The following ZNF609 variants were observed in gnomAD, a reference collection of about 807,000 sequenced individuals.
ZNF609 encodes zinc finger protein 609.
ZNF609 carries 11 observed loss-of-function variants against 109.5 expected under a neutral mutation model. The observed-to-expected ratio is 0.10, with a 90% confidence interval of 0.06 to 0.17. The LOEUF (loss-of-function observed/expected upper bound fraction) is 0.17. ZNF609 is among the 10% of genes least tolerant of loss of function. The pLI is 1.00. For synonymous variants in ZNF609, 646 were observed against 662.0 expected (o/e 0.98, Z 0.37); for missense variants, 1,559 against 1,772.4 (o/e 0.88, Z 2.16).
intron 2 of ZNF609, among the ~76,000 whole-genome samples, chr15:64,510,940 T>C: frequency 6.6e-6 from 1 of 152,178 alleles, no homozygotes; most frequent in Middle Eastern, 3.4e-3. Context: ...TTTTTTATTT[T>C]TATATTTATC....
At chr15:64,473,660 C>T (rs930846973) in intron 1 of ZNF609, among the ~76,000 whole-genome samples, 3 of 151,794 alleles carry the variant, frequency 2.0e-5, no homozygotes, top group African/African-American at 7.3e-5. Flanking sequence ...GACTGGAGTG[C>T]AGTGGTGCGA....
At chr15:64,500,623 G>A in intron 2 of ZNF609, 2 of 576,690 alleles carry the variant, frequency 3.5e-6, no homozygotes, top group Middle Eastern at 4.6e-4. Context: ...TGGTGCTGTT[G>A]GGTCTCTGGT....
chr15:64,460,400 C>T (rs1662594189), upstream of ZNF609, among the ~76,000 whole-genome samples: 1 of 152,182 alleles, frequency 6.6e-6, no homozygotes, highest in Admixed American at 6.5e-5. Flanking sequence ...CCAGCATTCC[C>T]TGAGCTAAGA....
At chr15:64,557,126 A>G (rs531538330) in intron 2 of ZNF609, among the ~76,000 whole-genome samples, 1 of 152,052 alleles carries the variant, frequency 6.6e-6, no homozygotes, top group South Asian at 2.1e-4. Flanking sequence ...GTCACATATT[A>G]TTCAGAATGC....
rs1389448753 is a variant in ZNF609, at chr15:64,479,283, G to GGTT, written c.-128+18445_-128+18446insGTT. Reference sequence around the variant, plus strand: ...CAAAACCTATATATTGTACCTGTGTGATTTTTTTTTTTTTTTTTTTTTTTT... The same window carrying GGTT: ...CAAAACCTATATATTGTACCTGTGTGGTTATTTTTTTTTTTTTTTTTTTTTTTT... On this transcript the variant is annotated intron_variant, in intron 1 of 9. Transcript: ENST00000326648. 8.2e-3 allele frequency among the ~76,000 whole-genome samples: 527 copies of GGTT among 64,052 alleles called. 2 individuals carry two copies. The highest frequency in any genetic ancestry group is 0.011 in the Non-Finnish European group (365 of 31,824). 42.0% of individuals were successfully genotyped at this position (64,052 alleles called of 152,430 possible). A position where few individuals can be genotyped will look rare whatever the true frequency, so the allele number is the denominator to read the frequency against.
chr15:64,593,391 C>G, intron 2 of ZNF609: 2 of 790,106 alleles, frequency 2.5e-6, no homozygotes, highest in Non-Finnish European at 4.3e-6. Flanking sequence ...GGAAATTGTA[C>G]TTAAATAAAT....
rs372106387 is a variant in ZNF609 at position 64,480,905 on chromosome 15, T to G, written c.-127-18388T>G. On this transcript the variant is annotated intron_variant, in intron 1 of 9. Transcript: ENST00000326648. ...AATTCTTCATTGAGAGCAAATGTGG[T>G]TTTGACTAAGATAAGCTACTCCCGA... Among the ~76,000 whole-genome samples the G allele has an allele frequency of 3.9e-5, 6 of 152,296 alleles. No homozygotes were observed. The East Asian group carries it at 7.7e-4, about 20-fold the overall frequency.
intron 2 of ZNF609, among the ~76,000 whole-genome samples, chr15:64,582,013 T>C (rs547074942): frequency 1.3e-5 from 2 of 152,190 alleles, no homozygotes; most frequent in African/African-American, 4.8e-5. Context: ...TCTATGTCCA[T>C]ATTAATTATC....
At chr15:64,676,955 A>G (rs937670807) in intron 5 of ZNF609, among the ~76,000 whole-genome samples, 3 of 151,804 alleles carry the variant, frequency 2.0e-5, no homozygotes, top group Non-Finnish European at 4.4e-5. Context: ...GGGTTTCACC[A>G]TGTTAGCCAG....
rs1366550860 is a variant in ZNF609 at position 64,466,151 on chromosome 15, G to A, written c.-128+5313G>A. Among the ~76,000 whole-genome samples, 3 of 151,506 alleles carry A rather than the reference G, an allele frequency of 2.0e-5. No individual in the cohort carries two copies. The East Asian group carries it at 5.8e-4, about 29-fold the overall frequency. On this transcript the variant is annotated intron_variant, in intron 1 of 9. Transcript: ENST00000326648. The stretch of plus-strand genomic sequence containing the variant: ...AAAAAAAAAAAAAAGTTAGCGGGGG[G>A]TATAGCATTTCCTATAACTTGGGAA...
At chr15:64,620,754 C>T (rs1384159665) in intron 2 of ZNF609, among the ~76,000 whole-genome samples, 1 of 152,132 alleles carries the variant, frequency 6.6e-6, no homozygotes, top group Admixed American at 6.5e-5. Flanking sequence ...CAATGATGAT[C>T]TACAAATAGT....
At chr15:64,551,445 C>T (rs1204586347) in intron 2 of ZNF609, among the ~76,000 whole-genome samples, 1 of 152,022 alleles carries the variant, frequency 6.6e-6, no homozygotes, top group African/African-American at 2.4e-5. Flanking sequence ...AACCTGAGGT[C>T]AGGAGTTCGA....
At chr15:64,634,076 A>C (rs370087283) in intron 3 of ZNF609, among the ~76,000 whole-genome samples, 6 of 152,106 alleles carry the variant, frequency 3.9e-5, no homozygotes, top group African/African-American at 1.4e-4. Context: ...ATGCATATAT[A>C]TATGTGTGTG....
chr15:64,545,700 A>T (rs1894347845), intron 2 of ZNF609, among the ~76,000 whole-genome samples: 1 of 152,108 alleles, frequency 6.6e-6, no homozygotes, highest in African/African-American at 2.4e-5. Context: ...GCAATCAACC[A>T]CTAATCTTAC....
rs1700155262 is a variant in ZNF609, at chr15:64,534,336, G to A, written c.747+34170G>A. 2.1e-5 allele frequency among the ~76,000 whole-genome samples: 3 copies of A among 144,472 alleles called. No individual in the cohort carries two copies. In the South Asian group the frequency reaches 6.6e-4, roughly 32 times the overall value. 94.8% of individuals were successfully genotyped at this position (144,472 alleles called of 152,430 possible). On this transcript the variant is annotated intron_variant, in intron 2 of 9. Transcript: ENST00000326648. ...TTATTTATTTTTTTTTTTTAAGATA[G>A]AGTCTCGCTCTGTCGCCCAGGCTGG...
chr15:64,473,449 G>A (rs986483932), intron 1 of ZNF609, among the ~76,000 whole-genome samples: 1 of 151,496 alleles, frequency 6.6e-6, no homozygotes, highest in African/African-American at 2.4e-5. Context: ...TGCCTACCTC[G>A]GCCTCCCAAA....
At chr15:64,669,983 T>A (rs902049678) in intron 3 of ZNF609, among the ~76,000 whole-genome samples, 55 of 152,196 alleles carry the variant, frequency 3.6e-4, no homozygotes, top group Middle Eastern at 3.2e-3. Context: ...AAAATTTTTT[T>A]AATTATCCAG....
chr15:64,528,979 G>A lies in ZNF609; in HGVS notation c.747+28813G>A. The A allele has an allele frequency of 1.3e-5, 19 of 1,499,170 alleles. No individual in the cohort carries two copies. The South Asian group carries it at 2.0e-4, about 16-fold the overall frequency. The allele number at this position is 1,499,170 out of a possible 1,614,324, so 92.9% of individuals were successfully genotyped here. On this transcript the variant is annotated intron_variant, in intron 2 of 9. Coordinates refer to ENST00000326648, the MANE Select transcript of ZNF609 (RefSeq NM_015042.2). ...CACATTGGCAGTGGGGACATGGAAG[G>A]CCATGCCAGTGAGCTTCCCGTTCAG...
intron 4 of ZNF609, among the ~76,000 whole-genome samples, chr15:64,673,195 GC>G (rs887117701): frequency 6.6e-6 from 1 of 152,190 alleles, no homozygotes; most frequent in Non-Finnish European, 1.5e-5. Context: ...GACAAAATTT[GC>G]CTCTTTTCTG....
Sources: allele counts gnomAD v4.1 joint callset (sites outside exome capture counted in the v4.1 genomes callset), GRCh38; gene constraint gnomAD v4.1.1; transcripts MANE v1.5; gene names NCBI Gene and HGNC (gene_info 2026-07-23, HGNC 2026-07-21).